ABHD2: variants seen among roughly 807,000 people sequenced by gnomAD.
ABHD2 encodes the protein monoacylglycerol lipase ABHD2.
In ABHD2, 20 loss-of-function variants were observed where a neutral mutation model predicts 48.1. The ratio of observed to expected loss-of-function variants is 0.42; its 90% CI spans 0.29 to 0.60. ABHD2 has a LOEUF of 0.60. Ranked by LOEUF, ABHD2 falls within the 20% of genes least tolerant of loss-of-function variation. ABHD2 has a pLI of 0.24. For synonymous variants in ABHD2, 209 were observed against 214.2 expected (o/e 0.98, Z 0.21); for missense variants, 405 against 550.9 (o/e 0.74, Z 2.65).
chr15:89,136,092 ATT>A (rs35713906), intron 3 of ABHD2: 126 of 167,150 alleles, frequency 7.5e-4, no homozygotes, highest in South Asian at 2.5e-3. Context: ...ATGCCTGGCA[ATT>A]TTTTTTTTTT....
intron 3 of ABHD2, among the ~76,000 whole-genome samples, chr15:89,124,387 C>G (rs942938279): frequency 6.6e-6 from 1 of 152,196 alleles, no homozygotes; most frequent in African/African-American, 2.4e-5. Context: ...CAACTTCACA[C>G]ACTCTCTTCC....
chr15:89,054,525 A>G, the ABHD2 span, among the ~76,000 whole-genome samples: 2 of 151,786 alleles, frequency 1.3e-5, no homozygotes, highest in African/African-American at 4.8e-5. Context: ...TACTAAAAAT[A>G]CAAAAATTAG....
At chr15:89,054,399 G>A in the ABHD2 span, among the ~76,000 whole-genome samples, 1 of 151,960 alleles carries the variant, frequency 6.6e-6, no homozygotes, top group South Asian at 2.1e-4. Flanking sequence ...ATTGTACTTT[G>A]GCTAGGTGCA....
At position 89,176,609 on chromosome 15, in the gene ABHD2, C is replaced by T. The variant is rs1385042253; in HGVS notation, c.722+614C>T. Among the ~76,000 whole-genome samples the T allele has an allele frequency of 6.6e-6, 1 of 152,100 alleles. No homozygotes were observed. Among genetic ancestry groups the T allele is most frequent in the Non-Finnish European group, 1.5e-5 (1 of 68,018 alleles). On this transcript the variant is annotated intron_variant, in intron 6 of 10. Transcript: ENST00000352732. This position sits in a 1 kb window ranked among gnomAD's most constrained non-coding sequence, Gnocchi z 4.5. ...CCCAGGAGGGCGTGGTCATCTGCCC[C>T]GATTCCCCTGAAGATCACTGCTGTC...
rs1277224952 is a variant in ABHD2 at position 89,175,751 on chromosome 15, G to T, written c.539-61G>T. On this transcript the variant is annotated intron_variant, in intron 5 of 10. Coordinates refer to ENST00000352732, the MANE Select transcript of ABHD2 (RefSeq NM_152924.5). This position sits in a 1 kb window ranked among gnomAD's most constrained non-coding sequence, Gnocchi z 5.7. ...CACCCATTTAGTAACGTTCCAGCTT[G>T]CATTTTCTCCAGATAGGATGCACCT... 17 of 1,583,904 alleles carry T rather than the reference G, an allele frequency of 1.1e-5. No homozygotes were observed. Among genetic ancestry groups the T allele is most frequent in the Non-Finnish European group, 1.4e-5 (16 of 1,155,918 alleles).
Position 89,186,265 on chromosome 15 carries a change from C to A in ABHD2, c.815+749C>A, listed in dbSNP as rs1295807427. ...CTCGGAGTTTGAGCCTCTCCTTATT[C>A]TTCATGCTTGTCCTGCCTCTCCGCC... On this transcript the variant is annotated intron_variant, in intron 7 of 10. Transcript: ENST00000352732. The surrounding 1 kb of genome is among the most constrained non-coding windows in gnomAD (Gnocchi z 4.3). Among the ~76,000 whole-genome samples the A allele has an allele frequency of 6.6e-6, 1 of 152,186 alleles. No individual in the cohort carries two copies. Among genetic ancestry groups the A allele is most frequent in the African/African-American group, 2.4e-5 (1 of 41,442 alleles).
the ABHD2 span, among the ~76,000 whole-genome samples, chr15:89,058,784 T>C: frequency 6.6e-6 from 1 of 152,174 alleles, no homozygotes; most frequent in South Asian, 2.1e-4. Context: ...TATCTGCCCT[T>C]GAAGCCTTTC....
At chr15:89,133,223 TGAAA>T (rs2050247579) in intron 3 of ABHD2, among the ~76,000 whole-genome samples, 2 of 152,350 alleles carry the variant, frequency 1.3e-5, no homozygotes, top group Admixed American at 1.3e-4. Context: ...ATAGGAGTGC[TGAAA>T]GAGCTTCCTC....
intron 3 of ABHD2, among the ~76,000 whole-genome samples, chr15:89,122,774 T>C (rs116228214): frequency 0.031 from 4,794 of 152,278 alleles, 229 homozygotes; most frequent in African/African-American, 0.11. Flanking sequence ...TACTGCCCTG[T>C]GGGAAGCCAG....
At position 89,185,409 on chromosome 15, in the gene ABHD2, C is replaced by A; in HGVS notation, c.723-15C>A. On this transcript the variant is annotated splice_polypyrimidine_tract_variant and intron_variant, in intron 6 of 10. Coordinates refer to ENST00000352732, the MANE Select transcript of ABHD2 (RefSeq NM_152924.5). This position sits in a 1 kb window ranked among gnomAD's most constrained non-coding sequence, Gnocchi z 5.9. ...CCCACACCGCAGTCACCCTCACTCG[C>A]TGTGGTTCTTCCAGGGCCCAGGAAA... is the stretch of plus-strand genomic sequence containing the variant. 6.2e-7 allele frequency: 1 copy of A among 1,612,792 alleles called. No homozygotes were observed.
At chr15:89,096,264 G>A (rs2049611737) in intron 1 of ABHD2, among the ~76,000 whole-genome samples, 1 of 152,212 alleles carries the variant, frequency 6.6e-6, no homozygotes, top group Non-Finnish European at 1.5e-5. Flanking sequence ...TACTGTTTGA[G>A]TAATTTTATG....
rs918407738 is a variant in ABHD2, at chr15:89,090,997, A to G, written c.-107+2434A>G. On this transcript the variant is annotated intron_variant, in intron 1 of 10. Coordinates refer to ENST00000352732, the MANE Select transcript of ABHD2 (RefSeq NM_152924.5). ...TGTGACTGATCCGTGCTGGCAATCT[A>G]GCTGGTTCACTGGTTTATCTGTGTT... Among the ~76,000 whole-genome samples the G allele has an allele frequency of 3.3e-5, 5 of 152,228 alleles. No homozygotes were observed. The East Asian group carries it at 5.8e-4, about 18-fold the overall frequency.
At chr15:89,086,681 C>T (rs929483316), upstream of ABHD2, among the ~76,000 whole-genome samples, 11 of 152,322 alleles carry the variant, frequency 7.2e-5, no homozygotes, top group African/African-American at 2.4e-4. Flanking sequence ...GGATTACAGG[C>T]GTGAGCCACT....
At chr15:89,141,163 G>A (rs1303682301) in intron 3 of ABHD2, among the ~76,000 whole-genome samples, 1 of 151,258 alleles carries the variant, frequency 6.6e-6, no homozygotes, top group Non-Finnish European at 1.5e-5. Flanking sequence ...TAATTTTTTG[G>A]TATAGATGAG....
At position 89,166,976 on chromosome 15, in the gene ABHD2, T is replaced by C. The variant is rs914976113; in HGVS notation, c.539-8836T>C. Among the ~76,000 whole-genome samples the C allele has an allele frequency of 7.9e-5, 12 of 152,164 alleles. No homozygotes were observed. Among genetic ancestry groups the C allele is most frequent in the Non-Finnish European group, 1.5e-5 (1 of 68,034 alleles). On this transcript the variant is annotated intron_variant, in intron 5 of 10. Transcript: ENST00000352732. The surrounding 1 kb of genome is among the most constrained non-coding windows in gnomAD (Gnocchi z 4.6). The stretch of plus-strand genomic sequence containing the variant: ...CTTTTGAGAGTAAAAAGGGACTTTA[T>C]TAATAACGTTATAATAATTCATAAC...
chr15:89,189,437 G>A lies in ABHD2; in HGVS notation c.926+1134G>A, dbSNP rs1455923356. ...GAGCTCATAAGTTTGAGATTACAGT[G>A]AGCTATGGTCCCAACACTGCACTGG... On this transcript the variant is annotated intron_variant, in intron 8 of 10. Coordinates refer to ENST00000352732, the MANE Select transcript of ABHD2 (RefSeq NM_152924.5). The surrounding 1 kb of genome is among the most constrained non-coding windows in gnomAD (Gnocchi z 4.9). Among the ~76,000 whole-genome samples the A allele has an allele frequency of 6.6e-6, 1 of 152,208 alleles. No individual in the cohort carries two copies. The highest frequency in any genetic ancestry group is 1.5e-5 in the Non-Finnish European group (1 of 68,042).
Position 89,095,097 on chromosome 15 carries a change from AC to A in ABHD2, c.-107+6536del, listed in dbSNP as rs966976495. Reference sequence around the variant, plus strand: ...AAAAAAAAAAAAAAGATATTTTAGCACCAAAAATGTTGGAAGATCAATATCT... The same window carrying A: ...AAAAAAAAAAAAAAGATATTTTAGCACAAAAATGTTGGAAGATCAATATCT... On this transcript the variant is annotated intron_variant, in intron 1 of 10. Coordinates refer to ENST00000352732, the MANE Select transcript of ABHD2 (RefSeq NM_152924.5). Among the ~76,000 whole-genome samples the A allele has an allele frequency of 9.3e-5, 14 of 150,962 alleles. No homozygotes were observed. The Middle Eastern group carries it at 0.014, about 149-fold the overall frequency.
the ABHD2 span, among the ~76,000 whole-genome samples, chr15:89,064,073 C>A: frequency 2.0e-5 from 3 of 151,936 alleles, no homozygotes; most frequent in African/African-American, 7.3e-5. Flanking sequence ...AATTTGGTGA[C>A]TTTAGGTATC....
At chr15:89,143,588 A>G (rs144358515) in intron 3 of ABHD2, among the ~76,000 whole-genome samples, 8,221 of 151,908 alleles carry the variant, frequency 0.054, 780 homozygotes, top group African/African-American at 0.19. Context: ...AATCGCTTGA[A>G]CCCAGGAGGC....
Sources: allele counts gnomAD v4.1 joint callset (sites outside exome capture counted in the v4.1 genomes callset), GRCh38; gene constraint gnomAD v4.1.1; non-coding constraint Gnocchi (gnomAD v3.1); transcripts MANE v1.5; gene names NCBI Gene and HGNC (gene_info 2026-07-23, HGNC 2026-07-21).